The following C10orf90 variants were observed in gnomAD, a reference collection of about 807,000 sequenced individuals.
C10orf90 encodes (E2-independent) E3 ubiquitin-conjugating enzyme FATS.
In C10orf90, 56 loss-of-function variants were observed where a neutral mutation model predicts 62.5. The observed-to-expected ratio is 0.90, with a 90% confidence interval of 0.72 to 1.12. The LOEUF is 1.12. Among genes scored for constraint, C10orf90 ranks in the 50% most tolerant of loss-of-function variants. The probability of loss-of-function intolerance (pLI) is 0.00; values close to 1 mark genes in which losing one functional copy is unlikely to be tolerated. For missense variants in C10orf90, 970 were observed against 880.4 expected, an observed-to-expected ratio of 1.10 and a Z score of -1.29; for synonymous variants, 386 against 340.4, an observed-to-expected ratio of 1.13 and a Z score of -1.47.
intron 4 of C10orf90, among the ~76,000 whole-genome samples, chr10:126,469,426 G>A (rs1860451262): frequency 6.6e-6 from 1 of 152,146 alleles, no homozygotes; most frequent in African/African-American, 2.4e-5. Context: ...TCTGAACAAA[G>A]CAGGCCTCCC....
At chr10:126,630,282 A>G (rs1845827225) in intron 2 of C10orf90, among the ~76,000 whole-genome samples, 1 of 151,826 alleles carries the variant, frequency 6.6e-6, no homozygotes, top group Non-Finnish European at 1.5e-5. Context: ...CTGGACCCCC[A>G]CTCTGTGCTG....
intron 2 of C10orf90, among the ~76,000 whole-genome samples, chr10:126,537,260 C>T (rs1864262236): frequency 6.6e-6 from 1 of 152,142 alleles, no homozygotes; most frequent in Admixed American, 6.5e-5. Context: ...CATATAAATT[C>T]CCCTTCCTTC....
intron 2 of C10orf90, among the ~76,000 whole-genome samples, chr10:126,616,735 G>A (rs533902060): frequency 6.6e-6 from 1 of 152,276 alleles, no homozygotes; most frequent in South Asian, 2.1e-4. Context: ...CACCATTAAA[G>A]CCAAGCTTGT....
intron 1 of C10orf90, among the ~76,000 whole-genome samples, chr10:126,652,887 T>C (rs1846318995): frequency 6.6e-6 from 1 of 152,210 alleles, no homozygotes; most frequent in African/African-American, 2.4e-5. Flanking sequence ...ACCTCAGAGA[T>C]ATTGGGGGTT....
At chr10:126,530,058 G>A (rs1029287006) in intron 2 of C10orf90, among the ~76,000 whole-genome samples, 2 of 152,096 alleles carry the variant, frequency 1.3e-5, no homozygotes, top group African/African-American at 4.8e-5. Context: ...CATTTGCACT[G>A]GGATATATAA....
intron 1 of C10orf90, among the ~76,000 whole-genome samples, chr10:126,648,735 G>C (rs1286351276): frequency 6.6e-6 from 1 of 152,168 alleles, no homozygotes; most frequent in African/African-American, 2.4e-5. Flanking sequence ...GGCTGTCTTG[G>C]AGGTGGAGGG....
Position 126,478,061 on chromosome 10 carries a change from G to A in C10orf90, c.1535-13075C>T, listed in dbSNP as rs150772824. 1.0e-3 allele frequency among the ~76,000 whole-genome samples: 154 copies of A among 152,286 alleles called. 2 individuals are homozygous for A. Among genetic ancestry groups the A allele is most frequent in the African/African-American group, 3.6e-3 (149 of 41,562 alleles). ...TGGCATCGTTTGAGAAAGACGAAAG[G>A]CATTGGAACTAACTTGGAATACAGG... On this transcript the variant is annotated intron_variant, in intron 4 of 9. Coordinates refer to ENST00000488181, the MANE Select transcript of C10orf90 (RefSeq NM_001350921.2).
intron 7 of C10orf90, among the ~76,000 whole-genome samples, chr10:126,455,615 G>T (rs989548373): frequency 1.3e-5 from 2 of 152,230 alleles, no homozygotes; most frequent in Admixed American, 1.3e-4. Flanking sequence ...TGGCACCCGG[G>T]TGAGGAGAGA....
At chr10:126,502,855 T>C (rs989194484) in intron 4 of C10orf90, 1 of 513,642 alleles carries the variant, frequency 1.9e-6, no homozygotes, top group South Asian at 1.5e-5. Context: ...TGCATTTCAA[T>C]GGTTTAATCA....
intron 2 of C10orf90, among the ~76,000 whole-genome samples, chr10:126,620,917 CTT>C (rs1845632104): frequency 6.6e-6 from 1 of 152,118 alleles, no homozygotes; most frequent in South Asian, 2.1e-4. Flanking sequence ...TCTGCCTGGT[CTT>C]TATTTTATAT....
chr10:126,468,641 A>C (rs10510162), intron 4 of C10orf90, among the ~76,000 whole-genome samples: 48,841 of 151,990 alleles, frequency 0.32, 8,042 homozygotes, highest in African/African-American at 0.39. Flanking sequence ...GACCTCACCA[A>C]GTTCAACTGC....
intron 2 of C10orf90, among the ~76,000 whole-genome samples, chr10:126,516,789 TA>T (rs1376057180): frequency 6.6e-6 from 1 of 152,186 alleles, no homozygotes; most frequent in Non-Finnish European, 1.5e-5. Context: ...CTCACTCGGC[TA>T]AAATCAAGGT....
chr10:126,495,051 T>C (rs1861966825), intron 4 of C10orf90, among the ~76,000 whole-genome samples: 1 of 152,252 alleles, frequency 6.6e-6, no homozygotes, highest in Non-Finnish European at 1.5e-5. Context: ...TGCTATCAGA[T>C]GTTCTCAGAT....
intron 6 of C10orf90, among the ~76,000 whole-genome samples, chr10:126,459,667 C>T (rs1859834141): frequency 6.6e-6 from 1 of 152,248 alleles, no homozygotes; most frequent in African/African-American, 2.4e-5. Flanking sequence ...ACAGATCATC[C>T]ACTCAGCGTG....
intron 2 of C10orf90, among the ~76,000 whole-genome samples, chr10:126,519,260 C>A (rs1381962331): frequency 6.6e-6 from 1 of 152,174 alleles, no homozygotes; most frequent in Non-Finnish European, 1.5e-5. Context: ...GCAGAAAAAC[C>A]CAGCCTATTT....
chr10:126,664,779 A>T (rs934646565), intron 1 of C10orf90, among the ~76,000 whole-genome samples: 1 of 152,146 alleles, frequency 6.6e-6, no homozygotes, highest in Non-Finnish European at 1.5e-5. Context: ...TGGAGACCTC[A>T]CTCACCAGAT....
intron 2 of C10orf90, among the ~76,000 whole-genome samples, chr10:126,630,523 G>A (rs1845831669): frequency 6.6e-6 from 1 of 152,114 alleles, no homozygotes; most frequent in Non-Finnish European, 1.5e-5. Flanking sequence ...AGTTTGAAAG[G>A]ACAGAAACTT....
intron 2 of C10orf90, among the ~76,000 whole-genome samples, chr10:126,528,703 C>A (rs764522065): frequency 3.9e-5 from 6 of 152,290 alleles, no homozygotes; most frequent in Non-Finnish European, 8.8e-5. Flanking sequence ...GCTCAATAAC[C>A]CTGACCCCAT....
chr10:126,527,190 G>A (rs1204116771), intron 2 of C10orf90, among the ~76,000 whole-genome samples: 1 of 152,184 alleles, frequency 6.6e-6, no homozygotes, highest in Non-Finnish European at 1.5e-5. Flanking sequence ...CGATGTATGA[G>A]GGTTTCATTT....
Sources: allele counts gnomAD v4.1 joint callset (sites outside exome capture counted in the v4.1 genomes callset), GRCh38; gene constraint gnomAD v4.1.1; transcripts MANE v1.5; gene names NCBI Gene and HGNC (gene_info 2026-07-23, HGNC 2026-07-21).